The following PIAS3 variants were observed in gnomAD, a reference collection of about 807,000 sequenced individuals.
The protein encoded by PIAS3 is E3 SUMO-protein ligase PIAS3.
Under a neutral mutation model 67.6 loss-of-function variants are expected in PIAS3, and 34 were observed. That is an observed-to-expected ratio of 0.50 (90% CI 0.38 to 0.67). The LOEUF is 0.67. Ranked by LOEUF, PIAS3 falls within the 30% of genes least tolerant of loss-of-function variation. The pLI is 0.00. For synonymous variants in PIAS3, 341 were observed against 313.8 expected, an observed-to-expected ratio of 1.09 and a Z score of -0.92; for missense variants, 693 against 791.6, an observed-to-expected ratio of 0.88 and a Z score of 1.49.
At chr1:145,857,127 G>A (rs1553735819) in intron 1 of PIAS3, 121 bp from the exon 2 acceptor site, 1 of 837,508 alleles carries the variant, frequency 1.2e-6, no homozygotes, top group Non-Finnish European at 1.9e-6. Flanking sequence ...GAAAGATGAT[G>A]CTTCGCAGCT....
chr1:145,858,301 T>C (rs1653274186), intron 1 of PIAS3, among the ~76,000 whole-genome samples: 1 of 152,044 alleles, frequency 6.6e-6, no homozygotes, highest in South Asian at 2.1e-4. Context: ...TTTTCTCCAT[T>C]AGCTTCCCCT....
chr1:145,853,712 C>T lies in PIAS3; in HGVS notation c.985-48G>A, dbSNP rs781926236. ...GTCAGAGGCCCTACTCTGATTTCAT[C>T]CCAGAAAACTTCACGCCAGTATCCC... On this transcript the variant is annotated intron_variant, in intron 8 of 13. Transcript: ENST00000393045. 5 of 1,610,096 alleles carry T rather than the reference C, an allele frequency of 3.1e-6. No individual in the cohort carries two copies. The South Asian group carries it at 5.5e-5, about 18-fold the overall frequency.
rs1405778867 is a variant in PIAS3, at chr1:145,851,100, A to C, written c.1199T>G (p.Met400Arg). 1 of 1,613,568 alleles carries C rather than the reference A, an allele frequency of 6.2e-7. No homozygotes were observed. Among genetic ancestry groups the C allele is most frequent in the Non-Finnish European group, 8.5e-7 (1 of 1,179,590 alleles). Residue 400 changes from methionine (M) to arginine (R), a missense_variant, in exon 10 of 14, where the codon ATG becomes AGG. Met to Arg is a moderately conservative substitution (Grantham distance 91). This residue lies in a region of PIAS3 where 115 missense variants were observed against 181.8 expected (regional missense o/e 0.63). Transcript: ENST00000393045. ...SCSDCDEIQF[M>R]EDGSWCPMKP... Reference sequence around the variant, plus strand: ...CATTGGGCACCAGGATCCATCTTCCATGAATTGGATCTCATCACAATCTGA... The same window carrying C: ...CATTGGGCACCAGGATCCATCTTCCCTGAATTGGATCTCATCACAATCTGA...
At position 145,849,606 on chromosome 1, in the gene PIAS3, G is replaced by C. The variant is rs147282600; in HGVS notation, c.1727C>G (p.Thr576Arg). The C allele has an allele frequency of 6.2e-7, 1 of 1,613,412 alleles. No homozygotes were observed. Among genetic ancestry groups the C allele is most frequent in the Non-Finnish European group, 8.5e-7 (1 of 1,179,698 alleles). ...PSHFLGPLAP[T>R]LGSSHCSATP... ...GGCGCTGCAGTGGGAGCTCCCCAGC[G>C]TGGGGGCCAGTGGGCCCAGAAAGTG... Residue 576 changes from threonine to arginine, a missense_variant, in exon 14 of 14, where the codon ACG becomes AGG. Coordinates refer to ENST00000393045, the MANE Select transcript of PIAS3 (RefSeq NM_006099.3).
rs1457726059 is a variant in PIAS3 at position 145,854,008 on chromosome 1, C to T, written c.911-122G>A. On this transcript the variant is annotated intron_variant, in intron 7 of 13. Transcript: ENST00000393045. Reference sequence around the variant, plus strand: ...TGCTGGGTGGAGCGTCTTTGGGGGCCAGTGGGACGTCACATGGAAGTGGTC... The same window carrying T: ...TGCTGGGTGGAGCGTCTTTGGGGGCTAGTGGGACGTCACATGGAAGTGGTC... 3.5e-5 allele frequency: 26 copies of T among 741,222 alleles called. No individual in the cohort carries two copies. In the East Asian group the frequency reaches 5.2e-4, roughly 15 times the overall value. The allele number at this position is 741,222 out of a possible 1,614,324, so 45.9% of individuals were successfully genotyped here.
Position 145,856,051 on chromosome 1 carries a change from AG to A in PIAS3, c.578+16del, listed in dbSNP as rs780709832. 1,659 of 1,609,628 alleles carry A rather than the reference AG, an allele frequency of 1.0e-3. 2 individuals are homozygous for A. The highest frequency in any genetic ancestry group is 1.3e-3 in the Non-Finnish European group (1,513 of 1,175,948). ...CCCCCAGTGGGTACCCAGGATAGGC[AG>A]GGAGGATGAACTCACCTTAGCTGCA... On this transcript the variant is annotated intron_variant, in intron 4 of 13. Coordinates refer to ENST00000393045, the MANE Select transcript of PIAS3 (RefSeq NM_006099.3).
Position 145,848,707 on chromosome 1 carries a change from C to T in PIAS3, c.*739G>A. ...CAGGCCTAACTACAGGGCCATGAGCCTCTAGAAGCTTAGGGGGGAATAAGA... is the reference window on the plus strand; with the variant it reads ...CAGGCCTAACTACAGGGCCATGAGCTTCTAGAAGCTTAGGGGGGAATAAGA... On this transcript the variant is annotated 3_prime_UTR_variant, in exon 14 of 14. Coordinates refer to ENST00000393045, the MANE Select transcript of PIAS3 (RefSeq NM_006099.3). The T allele has an allele frequency of 2.0e-6, 1 of 500,752 alleles. No homozygotes were observed. The highest frequency in any genetic ancestry group is 3.4e-5 in the East Asian group (1 of 29,690). 31.0% of individuals were successfully genotyped at this position (500,752 alleles called of 1,614,324 possible). A position where few individuals can be genotyped will look rare whatever the true frequency, so the allele number is the denominator to read the frequency against.
chr1:145,851,314 C>A, intron 9 of PIAS3, 161 bp from the exon 10 acceptor site: 1 of 723,410 alleles, frequency 1.4e-6, no homozygotes. Flanking sequence ...TCAAATAACA[C>A]AAGGTATGTA....
At position 145,853,614 on chromosome 1, in the gene PIAS3, G is replaced by C; in HGVS notation, c.1035C>G (p.His345Gln). 1 of 1,614,048 alleles carries C rather than the reference G, an allele frequency of 6.2e-7. No homozygotes were observed. Among genetic ancestry groups the C allele is most frequent in the Non-Finnish European group, 8.5e-7 (1 of 1,179,982 alleles). The change falls in exon 9 of 14, where the codon CAC becomes CAG. Residue 345 changes from histidine (H) to glutamine (Q), a missense_variant. His to Gln is a conservative substitution (Grantham distance 24). This residue lies in a region of PIAS3 where 115 missense variants were observed against 181.8 expected (regional missense o/e 0.63). Transcript: ENST00000393045. ...TVPCRALTCA[H>Q]LQSFDAALYL... ...AAAGGGCAGCATCGAAGCTCTGCAG[G>C]TGGGCGCAGGTGAGGGCACGACAAG... is the stretch of plus-strand genomic sequence containing the variant.
In PIAS3 at chr1:145,849,774, T is replaced by C. The variant is rs1279682400; in HGVS notation, c.1621-62A>G. On this transcript the variant is annotated intron_variant, in intron 13 of 13. Coordinates refer to ENST00000393045, the MANE Select transcript of PIAS3 (RefSeq NM_006099.3). ...CCCGACTTCCCCACCTCCCAGTCAC[T>C]CATCTCAGAAATGCCGTATGAGAGC... is the stretch of plus-strand genomic sequence containing the variant. 13 of 1,511,584 alleles carry C rather than the reference T, an allele frequency of 8.6e-6. No homozygotes were observed. In the East Asian group the frequency reaches 2.4e-4, roughly 28 times the overall value. 93.6% of individuals were successfully genotyped at this position (1,511,584 alleles called of 1,614,324 possible).
intron 8 of PIAS3, 35 bp from the exon 9 acceptor site, chr1:145,853,699 ACT>A (rs1553734854): frequency 1.2e-5 from 19 of 1,610,516 alleles, no homozygotes; most frequent in East Asian, 6.7e-5. Flanking sequence ...CAGAGGCCCT[ACT>A]CTGATTTCAT....
intron 13 of PIAS3, 87 bp from the exon 14 acceptor site, chr1:145,849,799 C>T: frequency 6.7e-7 from 1 of 1,498,556 alleles, no homozygotes; most frequent in Non-Finnish European, 8.9e-7. Flanking sequence ...CGTATGAGAG[C>T]AATCAACCCC....
intron 9 of PIAS3, among the ~76,000 whole-genome samples, chr1:145,852,153 G>A (rs1298200232): frequency 1.3e-5 from 2 of 152,128 alleles, no homozygotes; most frequent in East Asian, 3.9e-4. Flanking sequence ...AGCACTTTGG[G>A]AGGCCAAGGT....
chr1:145,857,087 G>A, intron 1 of PIAS3, 81 bp from the exon 2 acceptor site: 1 of 1,258,592 alleles, frequency 7.9e-7, no homozygotes, highest in East Asian at 2.3e-5. Context: ...GCTACCAGGT[G>A]GGCAGTGCCT....
At position 145,853,484 on chromosome 1, in the gene PIAS3, A is replaced by T; in HGVS notation, c.1145+20T>A. On this transcript the variant is annotated intron_variant, in intron 9 of 13. Transcript: ENST00000393045. ...GGTTCTAGTGGATGTCCTAGGTAAG[A>T]GGAAGCAAAATGGCCCTACCCATCA... is the stretch of plus-strand genomic sequence containing the variant. The T allele has an allele frequency of 6.3e-7, 1 of 1,578,454 alleles. No homozygotes were observed. Among genetic ancestry groups the T allele is most frequent in the South Asian group, 1.2e-5 (1 of 85,834 alleles).
In PIAS3 at chr1:145,855,940, C is replaced by T. The variant is rs1653155124; in HGVS notation, c.579-114G>A. 5 of 1,045,898 alleles carry T rather than the reference C, an allele frequency of 4.8e-6. No individual in the cohort carries two copies. In the East Asian group the frequency reaches 1.2e-4, roughly 25 times the overall value. 64.8% of individuals were successfully genotyped at this position (1,045,898 alleles called of 1,614,324 possible). On this transcript the variant is annotated intron_variant, in intron 4 of 13. Transcript: ENST00000393045. ...CATAGATGCCTGAAGCCCTCAGCAT[C>T]CAACAAGAGTCGCAGGGCTGCAGTA...
chr1:145,856,839 G>GCGT lies in PIAS3; in HGVS notation c.189_191dup (p.Arg64dup), dbSNP rs782401299. The GCGT allele has an allele frequency of 6.2e-7, 1 of 1,614,144 alleles. No individual in the cohort carries two copies. Among genetic ancestry groups the GCGT allele is most frequent in the Non-Finnish European group, 8.5e-7 (1 of 1,180,006 alleles). On this transcript the variant is annotated inframe_insertion, in exon 2 of 14. Transcript: ENST00000393045. ...AGGGCCCCAGGGTCTTCCGGGGAAAGCGTCGTCGGTAAAGCTCTTTGATCT... is the reference window on the plus strand; with the variant it reads ...AGGGCCCCAGGGTCTTCCGGGGAAAGCGTCGTCGTCGGTAAAGCTCTTTGATCT...
chr1:145,857,251 C>G, intron 1 of PIAS3: 1 of 543,304 alleles, frequency 1.8e-6, no homozygotes, highest in East Asian at 3.1e-5. Context: ...CACTATTTCC[C>G]CAGGCCTGGA....
chr1:145,856,109 C>T lies in PIAS3; in HGVS notation c.537G>A (p.Leu179=). The change falls in exon 4 of 14, where the codon CTG becomes CTA. Residue 179 remains leucine (L), a synonymous_variant. Coordinates refer to ENST00000393045, the MANE Select transcript of PIAS3 (RefSeq NM_006099.3). ...TGGTATAATCACATTTGGCTCCTGGCAGAACCTCTCTGTAACAGGGAGGGA... is the reference window on the plus strand; with the variant it reads ...TGGTATAATCACATTTGGCTCCTGGTAGAACCTCTCTGTAACAGGGAGGGA... ...VQQILTSREV[L]PGAKCDYTIQ... is the part of the protein sequence containing the mutation. The T allele has an allele frequency of 1.2e-6, 2 of 1,613,758 alleles. No individual in the cohort carries two copies. Among genetic ancestry groups the T allele is most frequent in the Non-Finnish European group, 1.7e-6 (2 of 1,179,678 alleles).
Sources: allele counts gnomAD v4.1 joint callset (sites outside exome capture counted in the v4.1 genomes callset), GRCh38; gene constraint gnomAD v4.1.1; regional missense constraint gnomAD v4.1.1; transcripts MANE v1.5; gene names NCBI Gene and HGNC (gene_info 2026-07-23, HGNC 2026-07-21).